Variants in HCRTR2 observed in about 807,000 individuals in gnomAD.
HCRTR2 encodes orexin receptor type 2.
Under a neutral mutation model 49.0 loss-of-function variants are expected in HCRTR2, and 22 were observed. The ratio of observed to expected loss-of-function variants is 0.45; its 90% confidence interval spans 0.32 to 0.64. HCRTR2 has a LOEUF of 0.64. Among genes scored for constraint, HCRTR2 ranks in the 30% least tolerant of loss-of-function variants. HCRTR2 has a pLI of 0.04. For synonymous variants in HCRTR2, 236 were observed against 205.3 expected, an observed-to-expected ratio of 1.15 and a Z score of -1.28; for missense variants, 491 against 559.4, an observed-to-expected ratio of 0.88 and a Z score of 1.23.
At chr6:55,223,612 T>C (rs1765940356) in intron 1 of HCRTR2, among the ~76,000 whole-genome samples, 1 of 152,216 alleles carries the variant, frequency 6.6e-6, no homozygotes, top group Non-Finnish European at 1.5e-5. Flanking sequence ...TATTCTTGTG[T>C]CTAAATTCAA....
At chr6:55,183,012 C>T (rs942308068) in intron 1 of HCRTR2, among the ~76,000 whole-genome samples, 3 of 152,090 alleles carry the variant, frequency 2.0e-5, no homozygotes, top group Non-Finnish European at 2.9e-5. Context: ...TATATCGTTG[C>T]GATTTGGGTC....
At chr6:55,115,955 T>C (rs1764110533) in intron 1 of HCRTR2, among the ~76,000 whole-genome samples, 1 of 151,820 alleles carries the variant, frequency 6.6e-6, no homozygotes, top group African/African-American at 2.4e-5. Flanking sequence ...TGCATGCATA[T>C]GTTTCCATAG....
At chr6:55,144,625 C>A (rs1324437019) in intron 1 of HCRTR2, among the ~76,000 whole-genome samples, 1 of 152,116 alleles carries the variant, frequency 6.6e-6, no homozygotes, top group East Asian at 1.9e-4. Flanking sequence ...CTAAGTAGAG[C>A]GCACGTTGGA....
chr6:55,158,928 A>G (rs1476349899), intron 1 of HCRTR2, among the ~76,000 whole-genome samples: 7 of 152,126 alleles, frequency 4.6e-5, no homozygotes, highest in Non-Finnish European at 1.0e-4. Context: ...ACAGCAGGGG[A>G]TCTCCCAGCA....
At chr6:55,256,891 T>G (rs1483172045) in intron 3 of HCRTR2, among the ~76,000 whole-genome samples, 1 of 152,062 alleles carries the variant, frequency 6.6e-6, no homozygotes, top group Non-Finnish European at 1.5e-5. Flanking sequence ...AAACAAATTT[T>G]TATAGGGTAA....
intron 1 of HCRTR2, among the ~76,000 whole-genome samples, chr6:55,215,676 C>A (rs1325493612): frequency 6.6e-6 from 1 of 152,010 alleles, no homozygotes; most frequent in Non-Finnish European, 1.5e-5. Flanking sequence ...TGATAACATA[C>A]CATGTGTGGA....
In HCRTR2 at chr6:55,238,168, C is replaced by T. The variant is rs1314536884; in HGVS notation, c.224-10471C>T. ...TCTATCTACTCTTACAAAGCTACCT[C>T]ATTATCCTTTATCCCCTAGCTCAGT... On this transcript the variant is annotated intron_variant, in intron 1 of 6. Transcript: ENST00000370862. Among the ~76,000 whole-genome samples the T allele has an allele frequency of 2.0e-5, 3 of 152,276 alleles. No individual in the cohort carries two copies. In the East Asian group the frequency reaches 5.8e-4, roughly 29 times the overall value.
intron 1 of HCRTR2, among the ~76,000 whole-genome samples, chr6:55,114,666 A>C (rs1377934809): frequency 6.6e-6 from 1 of 151,860 alleles, no homozygotes; most frequent in South Asian, 2.1e-4. Context: ...GTTGCTTAAA[A>C]ATTTATAATT....
chr6:55,238,700 T>C (rs750245375), intron 1 of HCRTR2, among the ~76,000 whole-genome samples: 7 of 152,024 alleles, frequency 4.6e-5, no homozygotes, highest in Non-Finnish European at 8.8e-5. Flanking sequence ...GAACTAGAGG[T>C]ATAACTTTGA....
At chr6:55,113,259 A>T (rs1349250114) in intron 1 of HCRTR2, among the ~76,000 whole-genome samples, 3 of 152,092 alleles carry the variant, frequency 2.0e-5, no homozygotes. Flanking sequence ...CAAATGCAAC[A>T]TAAGCAAAGA....
intron 4 of HCRTR2, among the ~76,000 whole-genome samples, chr6:55,272,938 A>G (rs1340565697): frequency 1.3e-5 from 2 of 149,762 alleles, no homozygotes; most frequent in African/African-American, 2.5e-5. Context: ...GGACAGGGGC[A>G]GGAGGCATAG....
At chr6:55,226,144 G>C (rs1040875158) in intron 1 of HCRTR2, among the ~76,000 whole-genome samples, 3 of 152,146 alleles carry the variant, frequency 2.0e-5, no homozygotes, top group African/African-American at 4.8e-5. Flanking sequence ...AAGATGTGCT[G>C]AATCTTATGC....
chr6:55,200,970 G>A (rs951468116), intron 1 of HCRTR2, among the ~76,000 whole-genome samples: 2 of 151,972 alleles, frequency 1.3e-5, no homozygotes, highest in Admixed American at 1.3e-4. Flanking sequence ...TCCTATCAGA[G>A]AATGCAATTT....
intron 4 of HCRTR2, among the ~76,000 whole-genome samples, chr6:55,274,629 C>A (rs750924089): frequency 3.3e-5 from 5 of 151,694 alleles, no homozygotes; most frequent in Non-Finnish European, 5.9e-5. Context: ...ATGTTGAGTA[C>A]GAGTGGTGAG....
intron 1 of HCRTR2, among the ~76,000 whole-genome samples, chr6:55,147,865 T>C (rs1438430169): frequency 6.6e-6 from 1 of 152,150 alleles, no homozygotes; most frequent in African/African-American, 2.4e-5. Flanking sequence ...GTAGAATGAA[T>C]TTGTAGAATC....
At chr6:55,229,793 A>G (rs890376736) in intron 1 of HCRTR2, among the ~76,000 whole-genome samples, 1 of 152,188 alleles carries the variant, frequency 6.6e-6, no homozygotes, top group African/African-American at 2.4e-5. Context: ...GAAAAAATGA[A>G]TAGGTTCTAG....
intron 1 of HCRTR2, among the ~76,000 whole-genome samples, chr6:55,124,617 T>A (rs921742068): frequency 5.9e-5 from 9 of 152,176 alleles, no homozygotes; most frequent in African/African-American, 2.2e-4. Context: ...TCTGTAGATG[T>A]CTATTAATCT....
intron 1 of HCRTR2, among the ~76,000 whole-genome samples, chr6:55,146,564 A>G (rs62418283): frequency 0.041 from 6,000 of 148,036 alleles, 246 homozygotes; most frequent in African/African-American, 0.1. Flanking sequence ...ATATCAGATT[A>G]AAGCAAAGGT....
intron 1 of HCRTR2, among the ~76,000 whole-genome samples, chr6:55,206,531 T>A (rs894646094): frequency 6.7e-6 from 1 of 148,358 alleles, no homozygotes; most frequent in Non-Finnish European, 1.5e-5. Context: ...AAGAGTTTAA[T>A]AGTTATTTTG....
Sources: allele counts gnomAD v4.1 joint callset (sites outside exome capture counted in the v4.1 genomes callset), GRCh38; gene constraint gnomAD v4.1.1; transcripts MANE v1.5; gene names NCBI Gene and HGNC (gene_info 2026-07-23, HGNC 2026-07-21).